The following MED13L variants were observed in gnomAD, a reference collection of about 807,000 sequenced individuals.
MED13L encodes mediator complex subunit 13L, also known as mediator of RNA polymerase II transcription subunit 13-like.
In MED13L, 7 loss-of-function variants were observed where a neutral mutation model predicts 220.9. That is an observed-to-expected ratio of 0.03 (90% CI 0.02 to 0.06). The LOEUF (loss-of-function observed/expected upper bound fraction) is 0.06, where lower values mean the gene tolerates loss of function less well. MED13L is among the 10% of genes least tolerant of loss of function. MED13L has a pLI of 1.00. For missense variants in MED13L, 1,965 were observed against 2,760.5 expected (o/e 0.71, Z 6.46); for synonymous variants, 1,011 against 1,015.2 (o/e 1.00, Z 0.08).
intron 4 of MED13L, among the ~76,000 whole-genome samples, chr12:116,040,835 C>A (rs551928676): frequency 6.7e-6 from 1 of 150,334 alleles, no homozygotes; most frequent in African/African-American, 2.4e-5. Context: ...TAACTGATAA[C>A]AGGAGGCAAC....
chr12:116,216,724 G>T (rs1038162213), intron 2 of MED13L, among the ~76,000 whole-genome samples: 1 of 152,122 alleles, frequency 6.6e-6, no homozygotes, highest in Non-Finnish European at 1.5e-5. Context: ...ACTTTCTCGT[G>T]TACCATATTC....
chr12:116,079,752 G>C (rs554493875), intron 4 of MED13L, among the ~76,000 whole-genome samples: 5 of 152,108 alleles, frequency 3.3e-5, no homozygotes, highest in Non-Finnish European at 7.3e-5. Context: ...GCCTAGGCTG[G>C]TCTCGAATTC....
chr12:116,268,523 C>T (rs1873004856), intron 1 of MED13L, among the ~76,000 whole-genome samples: 1 of 152,002 alleles, frequency 6.6e-6, no homozygotes, highest in Admixed American at 6.6e-5. Flanking sequence ...CTCATACTCA[C>T]ACCTGTAATC....
intron 7 of MED13L, among the ~76,000 whole-genome samples, chr12:116,016,265 T>C (rs1018062865): frequency 1.3e-5 from 2 of 152,054 alleles, no homozygotes; most frequent in African/African-American, 4.8e-5. Context: ...TGAAAGATGA[T>C]GATGATACAA....
chr12:116,241,003 G>A (rs996104306), intron 1 of MED13L, among the ~76,000 whole-genome samples: 1 of 152,040 alleles, frequency 6.6e-6, no homozygotes, highest in Admixed American at 6.6e-5. Flanking sequence ...GGAAGAGAAA[G>A]AAGGTAATAA....
chr12:116,003,139 G>A (rs778472817), intron 13 of MED13L, 37 bp from the exon 14 acceptor site: 42 of 1,551,556 alleles, frequency 2.7e-5, no homozygotes, highest in Non-Finnish European at 3.6e-5. Context: ...AGAGTGACGT[G>A]TATATAAGTA....
rs928134805 is a variant in MED13L at position 116,241,462 on chromosome 12, T to C, written c.73-3757A>G. 5.9e-5 allele frequency among the ~76,000 whole-genome samples: 9 copies of C among 152,236 alleles called. No individual in the cohort carries two copies. The East Asian group carries it at 1.2e-3, about 20-fold the overall frequency. On this transcript the variant is annotated intron_variant, in intron 1 of 30. Coordinates refer to ENST00000281928, the MANE Select transcript of MED13L (RefSeq NM_015335.5). ...TAAACATCAGATGAGTCAGTCCCCATGAAAATCTATGCACGGTAATTTACT... is the reference window on the plus strand; with the variant it reads ...TAAACATCAGATGAGTCAGTCCCCACGAAAATCTATGCACGGTAATTTACT...
chr12:116,103,130 CTTT>C (rs1029188118), intron 3 of MED13L, among the ~76,000 whole-genome samples: 1 of 152,196 alleles, frequency 6.6e-6, no homozygotes, highest in Non-Finnish European at 1.5e-5. Flanking sequence ...CGGTTAGCCT[CTTT>C]TACAGGCCTG....
chr12:116,019,702 A>G, intron 6 of MED13L, 76 bp downstream of exon 6: 1 of 1,485,860 alleles, frequency 6.7e-7, no homozygotes, highest in Non-Finnish European at 9.4e-7. Context: ...ATTTCTGAAG[A>G]ATCTAAATGA....
chr12:116,200,835 G>A (rs553394435), intron 2 of MED13L, among the ~76,000 whole-genome samples: 1 of 152,262 alleles, frequency 6.6e-6, no homozygotes, highest in South Asian at 2.1e-4. Context: ...GGCTAGAGAG[G>A]TAGAGAATAT....
chr12:115,961,180 T>TG lies in MED13L; in HGVS notation c.*85dup. On this transcript the variant is annotated 3_prime_UTR_variant, in exon 31 of 31. Coordinates refer to ENST00000281928, the MANE Select transcript of MED13L (RefSeq NM_015335.5). ...GGAGAGTGGTCTGAAGAAAAGGATG[T>TG]GGGTTATTTGCAGAGTGTAGCAGGT... is the stretch of plus-strand genomic sequence containing the variant. 4 of 1,535,532 alleles carry TG rather than the reference T, an allele frequency of 2.6e-6. No individual in the cohort carries two copies. The highest frequency in any genetic ancestry group is 3.6e-6 in the Non-Finnish European group (4 of 1,110,538).
chr12:116,122,475 G>A (rs937364930), intron 2 of MED13L, among the ~76,000 whole-genome samples: 1 of 152,104 alleles, frequency 6.6e-6, no homozygotes, highest in Non-Finnish European at 1.5e-5. Context: ...TTAGAGCTCT[G>A]ATTTCTTGAA....
At chr12:116,068,568 C>T (rs1870129665) in intron 4 of MED13L, among the ~76,000 whole-genome samples, 1 of 152,140 alleles carries the variant, frequency 6.6e-6, no homozygotes, top group Non-Finnish European at 1.5e-5. Context: ...AATAACTGGC[C>T]TATACATGTG....
At chr12:116,005,257 CAG>C (rs1428738635) in intron 13 of MED13L, among the ~76,000 whole-genome samples, 2 of 152,290 alleles carry the variant, frequency 1.3e-5, no homozygotes, top group East Asian at 3.9e-4. Flanking sequence ...CCCAAAGGTA[CAG>C]AGTTGGTTAG....
intron 4 of MED13L, among the ~76,000 whole-genome samples, chr12:116,023,970 C>T (rs1880222495): frequency 6.6e-6 from 1 of 152,142 alleles, no homozygotes; most frequent in South Asian, 2.1e-4. Context: ...ATGTCTGGCA[C>T]ATTAAATAGG....
At chr12:116,266,282 G>A (rs1593226601) in intron 1 of MED13L, among the ~76,000 whole-genome samples, 1 of 152,198 alleles carries the variant, frequency 6.6e-6, no homozygotes, top group African/African-American at 2.4e-5. Flanking sequence ...TGAAGGAGGA[G>A]AGGAAAGAGA....
intron 4 of MED13L, among the ~76,000 whole-genome samples, chr12:116,024,372 T>C (rs1172810546): frequency 4.6e-5 from 7 of 152,066 alleles, no homozygotes; most frequent in Non-Finnish European, 7.4e-5. Flanking sequence ...GGCTAACCAG[T>C]AGTGATTTCT....
Position 116,242,044 on chromosome 12 carries a change from T to C in MED13L, c.73-4339A>G, listed in dbSNP as rs536778501. 1.9e-3 allele frequency among the ~76,000 whole-genome samples: 282 copies of C among 148,928 alleles called. 1 individual carries two copies. Among genetic ancestry groups the C allele is most frequent in the Non-Finnish European group, 3.3e-3 (220 of 67,436 alleles). ...AAAATTAAGTGCACTCCAAGTTCTT[T>C]TGTCTTTTTTTTTTTTTTTTTTTTT... On this transcript the variant is annotated intron_variant, in intron 1 of 30. Coordinates refer to ENST00000281928, the MANE Select transcript of MED13L (RefSeq NM_015335.5).
intron 4 of MED13L, among the ~76,000 whole-genome samples, chr12:116,086,962 T>C (rs1317295022): frequency 6.6e-6 from 1 of 152,140 alleles, no homozygotes; most frequent in Admixed American, 6.5e-5. Flanking sequence ...AGGGGTAAAA[T>C]CAGTATACGA....
Sources: allele counts gnomAD v4.1 joint callset (sites outside exome capture counted in the v4.1 genomes callset), GRCh38; gene constraint gnomAD v4.1.1; transcripts MANE v1.5; gene names NCBI Gene and HGNC (gene_info 2026-07-23, HGNC 2026-07-21).